NIPAL4: variants seen among roughly 807,000 people sequenced by gnomAD.
NIPAL4 encodes NIPA like domain containing 4.
In NIPAL4, 21 loss-of-function variants were observed where a neutral mutation model predicts 31.6. That is an observed-to-expected ratio of 0.67 (90% CI 0.47 to 0.96). The LOEUF is 0.96. Among genes scored for constraint, NIPAL4 ranks in the 40% least tolerant of loss-of-function variants. The pLI is 0.00. For missense variants in NIPAL4, 438 were observed against 508.0 expected (o/e 0.86, Z 1.32); for synonymous variants, 175 against 211.1 (o/e 0.83, Z 1.48).
At position 157,471,762 on chromosome 5, in the gene NIPAL4, T is replaced by C. The variant is rs934717689; in HGVS notation, c.531T>C (p.Pro177=). 6.2e-6 allele frequency: 10 copies of C among 1,602,794 alleles called. No individual in the cohort carries two copies. The highest frequency in any genetic ancestry group is 8.5e-6 in the Non-Finnish European group (10 of 1,174,586). Residue 177 remains proline, a synonymous_variant, in exon 5 of 6, where the codon CCT becomes CCC. Transcript: ENST00000311946. ...GCACAGTGATGGTGATACATGCTCCTGAGGAAGAGAAGGTCACTACCATCA... is the reference window on the plus strand; with the variant it reads ...GCACAGTGATGGTGATACATGCTCCCGAGGAAGAGAAGGTCACTACCATCA... ...AGSTVMVIHA[P]EEEKVTTIME... is the part of the protein sequence containing the mutation.
At position 157,471,858 on chromosome 5, in the gene NIPAL4, T is replaced by G. The variant is rs1442667163; in HGVS notation, c.586+41T>G. The G allele has an allele frequency of 4.0e-6, 6 of 1,489,268 alleles. No individual in the cohort carries two copies. In the Admixed American group the frequency reaches 1.2e-4, roughly 29 times the overall value. The allele number at this position is 1,489,268 out of a possible 1,614,324, so 92.3% of individuals were successfully genotyped here. ...CTGAAGAGCAGGAAAATACTGGAGG[T>G]TGAACACCCCCTACTACCCCACAAA... On this transcript the variant is annotated intron_variant, in intron 5 of 5. Coordinates refer to ENST00000311946, the MANE Select transcript of NIPAL4 (RefSeq NM_001099287.2).
chr5:157,471,077 C>T (rs1340966164), intron 4 of NIPAL4, among the ~76,000 whole-genome samples: 2 of 152,162 alleles, frequency 1.3e-5, no homozygotes, highest in African/African-American at 4.8e-5. Context: ...GTGGGAAGCA[C>T]AGATATTTCG....
At chr5:157,462,756 C>G (rs1041624612) in intron 1 of NIPAL4, among the ~76,000 whole-genome samples, 1 of 152,162 alleles carries the variant, frequency 6.6e-6, no homozygotes, top group Non-Finnish European at 1.5e-5. Flanking sequence ...CTGGAAAACC[C>G]CAGAGCAGAG....
At chr5:157,467,168 A>C in intron 3 of NIPAL4, 63 bp downstream of exon 3, 2 of 549,336 alleles carry the variant, frequency 3.6e-6, no homozygotes, top group Non-Finnish European at 7.2e-6. Flanking sequence ...AGACAAAGGG[A>C]GGGGTGGGTA....
intron 2 of NIPAL4, among the ~76,000 whole-genome samples, chr5:157,464,265 A>G (rs1363612941): frequency 2.6e-5 from 4 of 152,198 alleles, no homozygotes; most frequent in Admixed American, 1.3e-4. Context: ...CTAGAAATCG[A>G]AAGTCATTCA....
At chr5:157,467,692 G>T (rs1754315126) in intron 3 of NIPAL4, 1 of 157,954 alleles carries the variant, frequency 6.3e-6, no homozygotes, top group Non-Finnish European at 1.4e-5. Flanking sequence ...TTAAAGGGGA[G>T]ACCCAGGTGG....
chr5:157,467,539 T>A (rs776216875), intron 3 of NIPAL4: 12 of 179,752 alleles, frequency 6.7e-5, no homozygotes, highest in Admixed American at 1.7e-4. Context: ...TACTCACACA[T>A]TTCCCCCACT....
chr5:157,468,986 C>T (rs1754354374), intron 4 of NIPAL4, among the ~76,000 whole-genome samples, 174 bp downstream of exon 4: 1 of 152,218 alleles, frequency 6.6e-6, no homozygotes, highest in African/African-American at 2.4e-5. Flanking sequence ...ATGTTTGCTG[C>T]CTCTTGCCCT....
At chr5:157,464,568 G>T (rs1168749730) in intron 2 of NIPAL4, among the ~76,000 whole-genome samples, 1 of 152,102 alleles carries the variant, frequency 6.6e-6, no homozygotes, top group Non-Finnish European at 1.5e-5. Flanking sequence ...GCTAGTTTTT[G>T]AAGGTAGAAT....
rs1215715651 is a variant in NIPAL4, at chr5:157,463,271, G to GCAA, written c.217_218insACA (p.Ser72_Ser73insAsn). On this transcript the variant is annotated inframe_insertion, in exon 2 of 6. Coordinates refer to ENST00000311946, the MANE Select transcript of NIPAL4 (RefSeq NM_001099287.2). The stretch of plus-strand genomic sequence containing the variant: ...TTCCTGTCTAGCTTCCTCATCGGCA[G>GCAA]CAGCGTCATCCTCAAGAAGAAAGGC... The GCAA allele has an allele frequency of 6.2e-7, 1 of 1,613,950 alleles. No individual in the cohort carries two copies. The highest frequency in any genetic ancestry group is 1.1e-5 in the South Asian group (1 of 91,086).
In NIPAL4 at chr5:157,473,466, G is replaced by C. The variant is rs1754498511; in HGVS notation, c.*506G>C. 1 of 153,088 alleles carries C rather than the reference G, an allele frequency of 6.5e-6. No homozygotes were observed. The highest frequency in any genetic ancestry group is 6.5e-5 in the Admixed American group (1 of 15,328). 9.5% of individuals were successfully genotyped at this position (153,088 alleles called of 1,614,324 possible). A position where few individuals can be genotyped will look rare whatever the true frequency, so the allele number is the denominator to read the frequency against. On this transcript the variant is annotated 3_prime_UTR_variant, in exon 6 of 6. Coordinates refer to ENST00000311946, the MANE Select transcript of NIPAL4 (RefSeq NM_001099287.2). ...CATGCCTCCCTATCCAGAGCTGACA[G>C]GGACACAACCAGTGTAAAATATCCT...
chr5:157,461,802 C>T (rs1367605786), intron 1 of NIPAL4, among the ~76,000 whole-genome samples: 1 of 152,226 alleles, frequency 6.6e-6, no homozygotes, highest in African/African-American at 2.4e-5. Flanking sequence ...CAAGCTCTTC[C>T]CTTTCTCAGG....
Position 157,471,650 on chromosome 5 carries a change from C to T in NIPAL4, c.426-7C>T, listed in dbSNP as rs767521910. 4.4e-5 allele frequency: 70 copies of T among 1,596,798 alleles called. No homozygotes were observed. The highest frequency in any genetic ancestry group is 8.0e-5 in the African/African-American group (6 of 74,658). ...CTCTAATCCCCTTCTCCCATTTCCA[C>T]GTGCAGTGCCATCCTCTCCTCATAT... On this transcript the variant is annotated splice_polypyrimidine_tract_variant and splice_region_variant and intron_variant, in intron 4 of 5. Coordinates refer to ENST00000311946, the MANE Select transcript of NIPAL4 (RefSeq NM_001099287.2).
chr5:157,463,173 C>A lies in NIPAL4; in HGVS notation c.117C>A (p.Ser39Arg), dbSNP rs200083422. 102 of 1,614,030 alleles carry A rather than the reference C, an allele frequency of 6.3e-5. 1 individual carries two copies. The African/African-American group carries it at 1.1e-3, about 18-fold the overall frequency. Residue 39 changes from serine to arginine, a missense_variant, in exon 2 of 6, where the codon AGC becomes AGA. Transcript: ENST00000311946. ...IVNDLSPEVP[S>R]NATFHSWQER... ...ATGACCTCAGCCCTGAGGTGCCCAG[C>A]AATGCCACCTTTCACAGCTGGCAGG...
At position 157,460,317 on chromosome 5, in the gene NIPAL4, C is replaced by A. The variant is rs1033485927; in HGVS notation, c.-4C>A. 1.9e-6 allele frequency: 3 copies of A among 1,547,944 alleles called. No individual in the cohort carries two copies. Among genetic ancestry groups the A allele is most frequent in the African/African-American group, 2.7e-5 (2 of 73,048 alleles). ...CGCGCGTCGGTTCGTGTGCCCCGGG[C>A]CCCATGGAGCTGCGGGTCAGCAACA... On this transcript the variant is annotated 5_prime_UTR_variant, in exon 1 of 6. Transcript: ENST00000311946.
chr5:157,472,535 C>T lies in NIPAL4; in HGVS notation c.790C>T (p.Pro264Ser). Residue 264 changes from proline to serine, a missense_variant, in exon 6 of 6, where the codon CCC (proline) becomes TCC (serine). Pro to Ser is a moderately conservative substitution (Grantham distance 74, BLOSUM62 -1). Coordinates refer to ENST00000311946, the MANE Select transcript of NIPAL4 (RefSeq NM_001099287.2). ...QGLPVVRHPL[P>S]YILSLILALS... Reference sequence around the variant, plus strand: ...GCTGCCAGTTGTCCGGCACCCGCTCCCCTACATCCTGTCCCTCATCCTGGC... The same window carrying T: ...GCTGCCAGTTGTCCGGCACCCGCTCTCCTACATCCTGTCCCTCATCCTGGC... The T allele has an allele frequency of 1.2e-6, 2 of 1,613,956 alleles. No individual in the cohort carries two copies. Among genetic ancestry groups the T allele is most frequent in the Non-Finnish European group, 1.7e-6 (2 of 1,179,872 alleles).
intron 1 of NIPAL4, 46 bp downstream of exon 1, chr5:157,460,403 C>T: frequency 6.7e-7 from 1 of 1,497,126 alleles, no homozygotes; most frequent in Non-Finnish European, 9.0e-7. Flanking sequence ...GCGCTTCGCG[C>T]CCTCCCCTCC....
In NIPAL4 at chr5:157,471,637, T is replaced by C; in HGVS notation, c.426-20T>C. The C allele has an allele frequency of 6.3e-7, 1 of 1,592,280 alleles. No individual in the cohort carries two copies. Among genetic ancestry groups the C allele is most frequent in the South Asian group, 1.1e-5 (1 of 88,402 alleles). ...ACAGGCATGGCTGCTCTAATCCCCT[T>C]CTCCCATTTCCACGTGCAGTGCCAT... On this transcript the variant is annotated intron_variant, in intron 4 of 5. Transcript: ENST00000311946.
rs762478156 is a variant in NIPAL4, at chr5:157,472,751, A to G, written c.1006A>G (p.Ile336Val). 1 of 1,613,364 alleles carries G rather than the reference A, an allele frequency of 6.2e-7. No homozygotes were observed. The highest frequency in any genetic ancestry group is 1.1e-5 in the South Asian group (1 of 91,060). ...CACCCTCTCGGGCTTTGTCACCATC[A>G]TCTTGGGCGTGTTCATGCTGCATGC... ...AGTLSGFVTI[I>V]LGVFMLHAFK... Residue 336 changes from isoleucine (I) to valine (V), a missense_variant, in exon 6 of 6, where the codon ATC becomes GTC. Physicochemically the swap from Ile to Val is conservative, Grantham distance 29. Transcript: ENST00000311946.
Sources: allele counts gnomAD v4.1 joint callset (sites outside exome capture counted in the v4.1 genomes callset), GRCh38; gene constraint gnomAD v4.1.1; transcripts MANE v1.5; gene names NCBI Gene and HGNC (gene_info 2026-07-23, HGNC 2026-07-21).